The following CLYBL variants were observed in gnomAD, a reference collection of about 807,000 sequenced individuals.
CLYBL encodes citramalyl-CoA lyase, mitochondrial.
CLYBL carries 31 observed loss-of-function variants against 38.9 expected under a neutral mutation model. The observed-to-expected ratio is 0.80, with a 90% CI of 0.60 to 1.08. The LOEUF (loss-of-function observed/expected upper bound fraction) is 1.08. CLYBL is among the 50% of genes least tolerant of loss of function. CLYBL has a pLI of 0.00. For synonymous variants in CLYBL, 171 were observed against 158.6 expected, an observed-to-expected ratio of 1.08 and a Z score of -0.59; for missense variants, 434 against 411.6, an observed-to-expected ratio of 1.05 and a Z score of -0.47.
downstream of CLYBL, among the ~76,000 whole-genome samples, chr13:99,902,122 A>C (rs2052650739): frequency 6.6e-6 from 1 of 152,242 alleles, no homozygotes. Flanking sequence ...AAACTCATAA[A>C]GTGTACCTTT....
At chr13:99,691,239 C>T (rs1314947215) in intron 1 of CLYBL, among the ~76,000 whole-genome samples, 7 of 152,138 alleles carry the variant, frequency 4.6e-5, no homozygotes, top group African/African-American at 1.7e-4. Flanking sequence ...CTTTTTATTT[C>T]CTTGATCTAA....
intron 1 of CLYBL, among the ~76,000 whole-genome samples, chr13:99,635,866 A>T (rs1434824461): frequency 2.0e-5 from 3 of 152,010 alleles, no homozygotes; most frequent in Non-Finnish European, 2.9e-5. Context: ...GCTGAGACAG[A>T]TGGACTAAAG....
intron 1 of CLYBL, among the ~76,000 whole-genome samples, chr13:99,739,450 G>A (rs751377719): frequency 4.1e-4 from 62 of 152,160 alleles, no homozygotes; most frequent in Non-Finnish European, 8.2e-4. Flanking sequence ...TGTCCCCCAA[G>A]GTGCCTTTCT....
chr13:99,633,741 A>C (rs2046982044), intron 1 of CLYBL, among the ~76,000 whole-genome samples: 1 of 152,146 alleles, frequency 6.6e-6, no homozygotes, highest in Non-Finnish European at 1.5e-5. Flanking sequence ...ATTTTATGAA[A>C]AGAGAGGTGA....
chr13:99,741,609 TG>T (rs2048757284), intron 1 of CLYBL, among the ~76,000 whole-genome samples: 1 of 152,238 alleles, frequency 6.6e-6, no homozygotes, highest in Non-Finnish European at 1.5e-5. Context: ...AAGAGTGCAG[TG>T]GCATGATCTC....
chr13:99,804,429 C>A (rs763431751), intron 2 of CLYBL, among the ~76,000 whole-genome samples: 1 of 152,150 alleles, frequency 6.6e-6, no homozygotes, highest in Admixed American at 6.5e-5. Flanking sequence ...TCTTGTTGGC[C>A]ACTATAAGCA....
intron 2 of CLYBL, among the ~76,000 whole-genome samples, chr13:99,781,386 G>A (rs1251978528): frequency 6.6e-6 from 1 of 151,424 alleles, no homozygotes; most frequent in Non-Finnish European, 1.5e-5. Context: ...TAGCCAGGAT[G>A]GTCTCAATCT....
intron 8 of CLYBL, among the ~76,000 whole-genome samples, chr13:99,904,182 G>A (rs1397197325): frequency 3.3e-5 from 5 of 152,150 alleles, no homozygotes. Flanking sequence ...TATTTCTTGG[G>A]CTTTTAGTAA....
chr13:99,844,137 T>C (rs2051146115), intron 2 of CLYBL, among the ~76,000 whole-genome samples: 2 of 152,162 alleles, frequency 1.3e-5, no homozygotes, highest in African/African-American at 4.8e-5. Flanking sequence ...CAAAACAGTT[T>C]ATTACAGGCT....
intron 1 of CLYBL, among the ~76,000 whole-genome samples, chr13:99,607,815 C>T (rs547166868): frequency 1.3e-5 from 2 of 152,050 alleles, no homozygotes; most frequent in African/African-American, 4.8e-5. Flanking sequence ...GTAATCTCGG[C>T]TTACTGCAAC....
chr13:99,823,538 T>C (rs2050627435), intron 2 of CLYBL, among the ~76,000 whole-genome samples: 1 of 152,212 alleles, frequency 6.6e-6, no homozygotes, highest in African/African-American at 2.4e-5. Flanking sequence ...TGTCATATAA[T>C]TGGAATCATA....
At chr13:99,632,989 C>A (rs2046966864) in intron 1 of CLYBL, among the ~76,000 whole-genome samples, 1 of 118,280 alleles carries the variant, frequency 8.5e-6, no homozygotes, top group Non-Finnish European at 1.9e-5. Flanking sequence ...ACCTGTAATC[C>A]CAACACTTTG....
chr13:99,792,451 C>T (rs998453942), intron 2 of CLYBL, among the ~76,000 whole-genome samples: 2 of 152,142 alleles, frequency 1.3e-5, no homozygotes, highest in South Asian at 2.1e-4. Flanking sequence ...AGCTGCTCCA[C>T]GTGGCAGAGT....
chr13:99,742,836 T>C (rs1333242198), intron 1 of CLYBL, among the ~76,000 whole-genome samples: 2 of 152,156 alleles, frequency 1.3e-5, no homozygotes, highest in African/African-American at 2.4e-5. Flanking sequence ...AGAACTTGGA[T>C]TGGGACAGGG....
intron 2 of CLYBL, among the ~76,000 whole-genome samples, chr13:99,832,724 C>T (rs2050830373): frequency 6.6e-6 from 1 of 151,698 alleles, no homozygotes; most frequent in South Asian, 2.1e-4. Flanking sequence ...AGGAACTTGG[C>T]TTTCATATTA....
intron 2 of CLYBL, among the ~76,000 whole-genome samples, chr13:99,783,336 C>G (rs1043831533): frequency 1.3e-5 from 2 of 151,680 alleles, no homozygotes; most frequent in African/African-American, 4.8e-5. Flanking sequence ...AGCCGCCATG[C>G]CTGGGCCATC....
intron 1 of CLYBL, among the ~76,000 whole-genome samples, chr13:99,709,602 T>A (rs1321114995): frequency 1.3e-5 from 2 of 152,198 alleles, no homozygotes; most frequent in East Asian, 3.8e-4. Flanking sequence ...CTGTGTCTCT[T>A]CCTAAAAAGC....
intron 1 of CLYBL, among the ~76,000 whole-genome samples, chr13:99,623,862 G>T (rs2046831324): frequency 6.6e-6 from 1 of 151,858 alleles, no homozygotes; most frequent in South Asian, 2.1e-4. Flanking sequence ...GGGAGGCTGA[G>T]GCAGGAGAAT....
chr13:99,781,104 T>G (rs1012657587), intron 2 of CLYBL, among the ~76,000 whole-genome samples: 2 of 151,356 alleles, frequency 1.3e-5, no homozygotes, highest in Non-Finnish European at 2.9e-5. Flanking sequence ...TTCATGTTTC[T>G]TTTTTCATCT....
Sources: allele counts gnomAD v4.1 joint callset (sites outside exome capture counted in the v4.1 genomes callset), GRCh38; gene constraint gnomAD v4.1.1; transcripts MANE v1.5; gene names NCBI Gene and HGNC (gene_info 2026-07-23, HGNC 2026-07-21).